Variants in ZNF565 observed in about 807,000 individuals in gnomAD.
The protein encoded by ZNF565 is zinc finger protein 565.
ZNF565 carries 27 observed loss-of-function variants against 39.4 expected under a neutral mutation model. The ratio of observed to expected loss-of-function variants is 0.69; its 90% CI spans 0.51 to 0.95. The LOEUF (loss-of-function observed/expected upper bound fraction) is 0.95, where lower values mean the gene tolerates loss of function less well. Among genes scored for constraint, ZNF565 ranks in the 40% least tolerant of loss-of-function variants. The pLI is 0.00. For missense variants in ZNF565, 524 were observed against 621.1 expected (o/e 0.84, Z 1.66); for synonymous variants, 185 against 216.6 (o/e 0.85, Z 1.28).
At chr19:36,187,145 G>A (rs906274643) in intron 4 of ZNF565, among the ~76,000 whole-genome samples, 5 of 151,532 alleles carry the variant, frequency 3.3e-5, no homozygotes, top group Non-Finnish European at 7.4e-5. Flanking sequence ...AGCCAATATC[G>A]TGCTATTACA....
chr19:36,210,842 A>G (rs1976328133), intron 1 of ZNF565, among the ~76,000 whole-genome samples: 1 of 152,138 alleles, frequency 6.6e-6, no homozygotes, highest in Non-Finnish European at 1.5e-5. Context: ...GGAAATTTGT[A>G]GATTCCAGGA....
chr19:36,206,390 C>G (rs1160424021), intron 1 of ZNF565, among the ~76,000 whole-genome samples: 3 of 151,934 alleles, frequency 2.0e-5, no homozygotes, highest in Admixed American at 2.0e-4. Context: ...AGGAGGATAA[C>G]TTGAGGTCAG....
upstream of ZNF565, among the ~76,000 whole-genome samples, chr19:36,217,756 T>A (rs1384682807): frequency 2.0e-5 from 3 of 151,892 alleles, no homozygotes; most frequent in Non-Finnish European, 4.4e-5. Context: ...TGGCGGCACA[T>A]GCCTGTTAAT....
chr19:36,220,139 A>C (rs755079864), intron 1 of ZNF565, among the ~76,000 whole-genome samples: 16 of 152,188 alleles, frequency 1.1e-4, no homozygotes, highest in Non-Finnish European at 1.8e-4. Flanking sequence ...TTCTCCAAGG[A>C]GCTCTGGTTC....
At chr19:36,186,286 A>T (rs564034729) in intron 4 of ZNF565, among the ~76,000 whole-genome samples, 1 of 152,348 alleles carries the variant, frequency 6.6e-6, no homozygotes, top group South Asian at 2.1e-4. Flanking sequence ...GGCGTCAGCC[A>T]CCATGCCCGG....
At chr19:36,236,953 C>T (rs772568582) in intron 1 of ZNF565, 2 of 1,614,156 alleles carry the variant, frequency 1.2e-6, no homozygotes, top group East Asian at 2.2e-5. Flanking sequence ...AGAAGTACCT[C>T]ATAAAACATC....
chr19:36,235,780 A>G (rs1977624553), intron 1 of ZNF565: 1 of 152,208 alleles, frequency 6.6e-6, no homozygotes, highest in Non-Finnish European at 1.5e-5. Context: ...GAATATAAGA[A>G]AAAATACTTC....
At chr19:36,214,201 CCACA>C (rs202178261) in intron 1 of ZNF565, among the ~76,000 whole-genome samples, 1 of 152,128 alleles carries the variant, frequency 6.6e-6, no homozygotes, top group African/African-American at 2.4e-5. Context: ...AGCGGCGTCA[CCACA>C]CAGTCACAGG....
intron 1 of ZNF565, among the ~76,000 whole-genome samples, chr19:36,210,402 C>G (rs974304924): frequency 2.1e-4 from 15 of 71,360 alleles, no homozygotes; most frequent in African/African-American, 7.9e-4. Flanking sequence ...CCAGCCTGGG[C>G]AAGTAAAATT....
chr19:36,217,469 A>G (rs1976660002), upstream of ZNF565, among the ~76,000 whole-genome samples: 1 of 152,148 alleles, frequency 6.6e-6, no homozygotes, highest in East Asian at 1.9e-4. Flanking sequence ...ACAAAATAAT[A>G]CATAGCTGTA....
intron 1 of ZNF565, among the ~76,000 whole-genome samples, chr19:36,204,572 A>G (rs191792168): frequency 4.9e-4 from 74 of 152,370 alleles, no homozygotes; most frequent in African/African-American, 1.7e-3. Context: ...TGAGCATATG[A>G]AATGTGGCTA....
Position 36,187,599 on chromosome 19 carries a change from G to A in ZNF565, c.233-3866C>T, listed in dbSNP as rs552220417. Among the ~76,000 whole-genome samples, 121 of 150,420 alleles carry A rather than the reference G, an allele frequency of 8.0e-4. 1 individual carries two copies. Among genetic ancestry groups the A allele is most frequent in the Admixed American group, 3.7e-3 (56 of 15,002 alleles). On this transcript the variant is annotated intron_variant, in intron 4 of 4. Coordinates refer to ENST00000304116, the MANE Select transcript of ZNF565 (RefSeq NM_152477.5). ...TCTCGATCTCCTGACCTTGTGCTCC[G>A]CCCACCTCGGCCTCCCAAAGTGCTG...
At chr19:36,230,565 G>A (rs10414754) in intron 1 of ZNF565, among the ~76,000 whole-genome samples, 5,996 of 152,256 alleles carry the variant, frequency 0.039, 365 homozygotes, top group African/African-American at 0.14. Context: ...GAGTGCGAGA[G>A]TGGGCGTGCA....
chr19:36,194,391 G>A (rs1205613677), intron 3 of ZNF565, 63 bp from the exon 4 acceptor site: 6 of 1,349,128 alleles, frequency 4.4e-6, no homozygotes, highest in African/African-American at 1.5e-5. Flanking sequence ...CCAGTTCCCT[G>A]GTCACCATGG....
intron 1 of ZNF565, among the ~76,000 whole-genome samples, chr19:36,213,902 A>G (rs777953156): frequency 3.5e-5 from 5 of 144,108 alleles, no homozygotes; most frequent in Non-Finnish European, 7.7e-5. Context: ...AGACACACCC[A>G]GTCACACAAT....
intron 4 of ZNF565, among the ~76,000 whole-genome samples, chr19:36,184,439 A>AT (rs1975216913): frequency 6.6e-6 from 1 of 151,798 alleles, no homozygotes; most frequent in Non-Finnish European, 1.5e-5. Context: ...TAATTTTTGT[A>AT]TTTTTAGTAA....
At position 36,245,360 on chromosome 19, in the gene ZNF565, C is replaced by G. The variant is rs2029888938; in HGVS notation, c.55+116G>C. The G allele has an allele frequency of 2.9e-6, 2 of 681,276 alleles. No homozygotes were observed. The highest frequency in any genetic ancestry group is 5.3e-6 in the Non-Finnish European group (2 of 374,326). The allele number at this position is 681,276 out of a possible 1,614,324, so 42.2% of individuals were successfully genotyped here. A position where few individuals can be genotyped will look rare whatever the true frequency, so the allele number is the denominator to read the frequency against. On this transcript the variant is annotated intron_variant, in intron 1 of 4. Transcript: ENST00000355114. This position sits in a 1 kb window ranked among gnomAD's most constrained non-coding sequence, Gnocchi z 4.4. Reference sequence around the variant, plus strand: ...GCTGCCGGACATTCTAGGGTCTGATCTGGCGGGCTCGAAGGGAGGACAGTC... The same window carrying G: ...GCTGCCGGACATTCTAGGGTCTGATGTGGCGGGCTCGAAGGGAGGACAGTC...
chr19:36,239,356 G>A (rs1180685932), intron 1 of ZNF565, among the ~76,000 whole-genome samples: 1 of 127,772 alleles, frequency 7.8e-6, no homozygotes, highest in Admixed American at 8.6e-5. Flanking sequence ...ATCTTGCTCT[G>A]TTGCCCAGGC....
intron 4 of ZNF565, among the ~76,000 whole-genome samples, chr19:36,187,366 T>TC (rs1253576210): frequency 6.7e-6 from 1 of 150,258 alleles, no homozygotes; most frequent in Non-Finnish European, 1.5e-5. Flanking sequence ...AGACAGAGTC[T>TC]CTTTTTTTTT....
Sources: gnomAD v4.1 joint callset for allele counts (sites outside exome capture counted in the v4.1 genomes callset) on GRCh38, gnomAD v4.1.1 for gene constraint, Gnocchi (gnomAD v3.1) non-coding constraint, MANE v1.5 for transcripts, NCBI Gene and HGNC (gene_info 2026-07-23, HGNC 2026-07-21) for gene names.